Variants in NBAS observed in about 807,000 individuals in gnomAD.
NBAS encodes NAG/BC035112 fusion.
In NBAS, 219 loss-of-function variants were observed where a neutral mutation model predicts 302.5. That is an observed-to-expected ratio of 0.72 (90% CI 0.65 to 0.81). NBAS has a LOEUF of 0.81. NBAS is among the 30% of genes least tolerant of loss of function. The probability of loss-of-function intolerance (pLI) is 0.00; values close to 1 mark genes in which losing one functional copy is unlikely to be tolerated. For missense variants in NBAS, 2,932 were observed against 2,841.6 expected (o/e 1.03, Z -0.72); for synonymous variants, 1,118 against 1,021.6 (o/e 1.09, Z -1.80).
chr2:15,286,997 ACTT>A, intron 42 of NBAS, 73 bp downstream of exon 42: 1 of 1,226,856 alleles, frequency 8.2e-7, no homozygotes, highest in Non-Finnish European at 1.2e-6. Context: ...GTACTTTACA[ACTT>A]CTTCAAGAGT....
At chr2:15,492,092 TG>T (rs1680881864) in intron 11 of NBAS, among the ~76,000 whole-genome samples, 1 of 152,246 alleles carries the variant, frequency 6.6e-6, no homozygotes, top group Non-Finnish European at 1.5e-5. Flanking sequence ...ACTATCTTAT[TG>T]TAGAAATTTT....
At chr2:14,868,081 C>G in the NBAS span, among the ~76,000 whole-genome samples, 1 of 152,176 alleles carries the variant, frequency 6.6e-6, no homozygotes, top group South Asian at 2.1e-4. Flanking sequence ...GTATTTTACA[C>G]AGGGTATCTC....
the NBAS span, among the ~76,000 whole-genome samples, chr2:14,903,761 C>G: frequency 6.6e-6 from 1 of 152,104 alleles, no homozygotes; most frequent in Non-Finnish European, 1.5e-5. Context: ...GAGCAAAAGT[C>G]AACACTGGAG....
chr2:15,354,474 C>A (rs919497130), intron 33 of NBAS, among the ~76,000 whole-genome samples: 3 of 152,038 alleles, frequency 2.0e-5, no homozygotes, highest in Non-Finnish European at 4.4e-5. Flanking sequence ...TTACCCTTAC[C>A]AGAATAAAAT....
At chr2:15,031,618 C>T in the NBAS span, among the ~76,000 whole-genome samples, 2 of 152,206 alleles carry the variant, frequency 1.3e-5, no homozygotes, top group African/African-American at 4.8e-5. Context: ...CCTCCCTCAA[C>T]TCCAGCCTAG....
At chr2:15,226,038 T>C (rs1240946599) in intron 47 of NBAS, among the ~76,000 whole-genome samples, 1 of 152,252 alleles carries the variant, frequency 6.6e-6, no homozygotes, top group East Asian at 1.9e-4. Flanking sequence ...TGTATTTTAA[T>C]AAGATCTCCA....
the NBAS span, among the ~76,000 whole-genome samples, chr2:15,060,281 TG>T: frequency 6.6e-6 from 1 of 152,172 alleles, no homozygotes; most frequent in African/African-American, 2.4e-5. Context: ...ATTCCCCGCT[TG>T]GCAGCAGCTC....
chr2:15,018,266 T>C, the NBAS span, among the ~76,000 whole-genome samples: 12 of 152,148 alleles, frequency 7.9e-5, no homozygotes, highest in South Asian at 1.9e-3. Context: ...ATATATTATA[T>C]AGTTTTAAAT....
chr2:15,491,877 T>C (rs956902220), intron 11 of NBAS, among the ~76,000 whole-genome samples: 11 of 152,236 alleles, frequency 7.2e-5, no homozygotes, highest in African/African-American at 2.7e-4. Flanking sequence ...TGTTTTGTGA[T>C]AGGAGCCTCA....
At chr2:15,513,990 A>G (rs911197070) in intron 9 of NBAS, among the ~76,000 whole-genome samples, 6 of 152,166 alleles carry the variant, frequency 3.9e-5, no homozygotes, top group Admixed American at 2.6e-4. Context: ...GAACCTGTCT[A>G]AAAAAGAGGC....
the NBAS span, among the ~76,000 whole-genome samples, chr2:14,931,137 T>G: frequency 6.6e-6 from 1 of 152,234 alleles, no homozygotes; most frequent in Non-Finnish European, 1.5e-5. Flanking sequence ...ACACCAGATT[T>G]TGAGCATTGA....
chr2:15,040,259 A>G, the NBAS span, among the ~76,000 whole-genome samples: 1 of 152,206 alleles, frequency 6.6e-6, no homozygotes, highest in African/African-American at 2.4e-5. Context: ...GCCACAGTCC[A>G]GCAAGGTAAG....
At chr2:15,244,084 A>G (rs971381128) in intron 44 of NBAS, among the ~76,000 whole-genome samples, 1 of 152,136 alleles carries the variant, frequency 6.6e-6, no homozygotes, top group Non-Finnish European at 1.5e-5. Flanking sequence ...GAGAGAGAGA[A>G]CGTACAGGGG....
At position 15,424,415 on chromosome 2, in the gene NBAS, T is replaced by C. The variant is rs1304906462; in HGVS notation, c.2477A>G (p.Gln826Arg). 1.2e-6 allele frequency: 2 copies of C among 1,614,050 alleles called. No homozygotes were observed. Among genetic ancestry groups the C allele is most frequent in the Non-Finnish European group, 1.7e-6 (2 of 1,180,006 alleles). Residue 826 changes from glutamine to arginine, a missense_variant, in exon 23 of 52, where the codon CAG becomes CGG. By Grantham distance (43) the Gln-to-Arg change is conservative (BLOSUM62 1). Coordinates refer to ENST00000281513, the MANE Select transcript of NBAS (RefSeq NM_015909.4). ...QDESEFLYAAQPELLRFRMTQ... is the reference protein window; with the variant it reads ...QDESEFLYAARPELLRFRMTQ... Reference sequence around the variant, plus strand: ...CATCCTGAACCTTAGTAACTCAGGCTGTGCAGCATACAAGAATTCACTTTC... The same window carrying C: ...CATCCTGAACCTTAGTAACTCAGGCCGTGCAGCATACAAGAATTCACTTTC...
Position 15,210,871 on chromosome 2 carries a change from C to T in NBAS, c.6432+7902G>A, listed in dbSNP as rs553373420. Among the ~76,000 whole-genome samples, 29 of 152,128 alleles carry T rather than the reference C, an allele frequency of 1.9e-4. No homozygotes were observed. The East Asian group carries it at 1.9e-3, about 10-fold the overall frequency. ...AATGTTAAGTGAAATAAGCCAGGCACGGAAAGACAAACTTCACATGTTTTC... is the reference window on the plus strand; with the variant it reads ...AATGTTAAGTGAAATAAGCCAGGCATGGAAAGACAAACTTCACATGTTTTC... On this transcript the variant is annotated intron_variant, in intron 48 of 51. Coordinates refer to ENST00000281513, the MANE Select transcript of NBAS (RefSeq NM_015909.4).
chr2:15,120,806 A>G, the NBAS span, among the ~76,000 whole-genome samples: 2 of 152,228 alleles, frequency 1.3e-5, no homozygotes, highest in Non-Finnish European at 2.9e-5. Context: ...ACACAGCCAG[A>G]CCAACTGCTT....
chr2:14,926,078 T>C, the NBAS span, among the ~76,000 whole-genome samples: 1 of 152,162 alleles, frequency 6.6e-6, no homozygotes, highest in Admixed American at 6.5e-5. Flanking sequence ...GTCTGAAACT[T>C]CCCTGTGCTT....
At chr2:15,338,674 T>TACATACAC (rs372797466) in intron 35 of NBAS, among the ~76,000 whole-genome samples, 1 of 134,746 alleles carries the variant, frequency 7.4e-6, no homozygotes, top group Non-Finnish European at 1.6e-5. Context: ...AACACACACA[T>TACATACAC]ACACACACAC....
chr2:15,383,030 A>G (rs910206663), intron 29 of NBAS, among the ~76,000 whole-genome samples, 185 bp downstream of exon 29: 1 of 152,208 alleles, frequency 6.6e-6, no homozygotes, highest in Non-Finnish European at 1.5e-5. Flanking sequence ...TTGCAATGAA[A>G]AAAGACAAGG....
Sources: allele counts gnomAD v4.1 joint callset (sites outside exome capture counted in the v4.1 genomes callset), GRCh38; gene constraint gnomAD v4.1.1; transcripts MANE v1.5; gene names NCBI Gene and HGNC (gene_info 2026-07-23, HGNC 2026-07-21).